The following FAM149B1 variants were observed in gnomAD, a reference collection of about 807,000 sequenced individuals.
FAM149B1 encodes primary cilium assembly protein FAM149B1.
Under a neutral mutation model 75.3 loss-of-function variants are expected in FAM149B1, and 56 were observed. The ratio of observed to expected loss-of-function variants is 0.74; its 90% CI spans 0.60 to 0.93. The LOEUF (loss-of-function observed/expected upper bound fraction) is 0.93. FAM149B1 is among the 40% of genes least tolerant of loss of function. The probability of loss-of-function intolerance (pLI) is 0.00; values close to 1 mark genes in which losing one functional copy is unlikely to be tolerated. For missense variants in FAM149B1, 639 were observed against 708.4 expected (o/e 0.90, Z 1.11); for synonymous variants, 259 against 256.1 (o/e 1.01, Z -0.11).
chr10:73,183,449 AG>A (rs1043554723), intron 3 of FAM149B1: 2 of 152,222 alleles, frequency 1.3e-5, no homozygotes, highest in Non-Finnish European at 2.9e-5. Flanking sequence ...AGAAAGCTCT[AG>A]GCCCAGGTGA....
Position 73,221,816 on chromosome 10 carries a change from A to T in FAM149B1, c.899-6244A>T, listed in dbSNP as rs1016477624. 1.9e-4 allele frequency among the ~76,000 whole-genome samples: 29 copies of T among 151,850 alleles called. No homozygotes were observed. In the South Asian group the frequency reaches 2.1e-3, roughly 11 times the overall value. On this transcript the variant is annotated intron_variant, in intron 7 of 13. Transcript: ENST00000242505. The stretch of plus-strand genomic sequence containing the variant: ...CTCAGGTAACTCATGCTTTAAAAAA[A>T]TTTTTTTTGTATTCTTTTTTTTCTG...
At chr10:73,240,211 AG>A (rs1290569015) in intron 13 of FAM149B1, among the ~76,000 whole-genome samples, 1 of 152,230 alleles carries the variant, frequency 6.6e-6, no homozygotes, top group Admixed American at 6.5e-5. Flanking sequence ...AGGTAAATTT[AG>A]AAGTAATGGA....
At chr10:73,209,693 T>C (rs1194444319) in intron 6 of FAM149B1, among the ~76,000 whole-genome samples, 2 of 152,242 alleles carry the variant, frequency 1.3e-5, no homozygotes, top group African/African-American at 4.8e-5. Context: ...CTCAATCCAG[T>C]CTTCTCTTCA....
intron 3 of FAM149B1, among the ~76,000 whole-genome samples, chr10:73,188,615 T>C (rs1035553009): frequency 1.3e-5 from 2 of 151,652 alleles, no homozygotes; most frequent in African/African-American, 4.8e-5. Flanking sequence ...CCAGCTACTC[T>C]GGAGGCTGAG....
At chr10:73,217,189 T>C (rs1262184019) in intron 7 of FAM149B1, among the ~76,000 whole-genome samples, 1 of 152,254 alleles carries the variant, frequency 6.6e-6, no homozygotes, top group African/African-American at 2.4e-5. Flanking sequence ...ACAATTTGTT[T>C]ATCTGTTGAT....
At chr10:73,198,415 A>G (rs2042856262) in intron 5 of FAM149B1, among the ~76,000 whole-genome samples, 1 of 152,248 alleles carries the variant, frequency 6.6e-6, no homozygotes, top group Non-Finnish European at 1.5e-5. Flanking sequence ...TGAAAAGGCA[A>G]TATGTGGAAT....
intron 3 of FAM149B1, chr10:73,192,354 T>C (rs2042704737): frequency 3.7e-6 from 2 of 545,032 alleles, no homozygotes; most frequent in African/African-American, 3.9e-5. Context: ...CTAAATTTTC[T>C]TTAAATATGA....
chr10:73,195,929 T>C (rs2042794369), intron 5 of FAM149B1, among the ~76,000 whole-genome samples: 1 of 152,198 alleles, frequency 6.6e-6, no homozygotes, highest in Admixed American at 6.5e-5. Context: ...ACAAAATCTA[T>C]GATATTTACT....
intron 3 of FAM149B1, among the ~76,000 whole-genome samples, chr10:73,180,586 T>A (rs2042373803): frequency 6.6e-6 from 1 of 152,242 alleles, no homozygotes; most frequent in Admixed American, 6.5e-5. Flanking sequence ...TTTTGGCATT[T>A]ATAGTCTAAC....
At chr10:73,205,949 A>C (rs2043044456) in intron 5 of FAM149B1, among the ~76,000 whole-genome samples, 2 of 152,216 alleles carry the variant, frequency 1.3e-5, no homozygotes, top group African/African-American at 2.4e-5. Flanking sequence ...TGTGGAAGTG[A>C]CTTTGAAACT....
intron 6 of FAM149B1, among the ~76,000 whole-genome samples, 162 bp downstream of exon 6, chr10:73,208,948 C>T (rs563376409): frequency 6.6e-6 from 1 of 152,216 alleles, no homozygotes; most frequent in Admixed American, 6.5e-5. Context: ...GTTCTTATTG[C>T]CTCCATGTAC....
intron 13 of FAM149B1, among the ~76,000 whole-genome samples, 180 bp from the exon 14 acceptor site, chr10:73,240,766 G>A (rs1042891914): frequency 2.0e-5 from 3 of 151,596 alleles, no homozygotes; most frequent in African/African-American, 7.3e-5. Flanking sequence ...AAGTGGAAGT[G>A]AGTAAATCAG....
chr10:73,206,482 T>C (rs891793910), intron 5 of FAM149B1, among the ~76,000 whole-genome samples: 5 of 152,208 alleles, frequency 3.3e-5, no homozygotes, highest in African/African-American at 9.6e-5. Flanking sequence ...GATATTTGCA[T>C]AACTAAAAAG....
Position 73,238,191 on chromosome 10 carries a change from A to G in FAM149B1, c.1603-1121A>G, listed in dbSNP as rs541281279. Reference sequence around the variant, plus strand: ...TGAAACCCGTTTCTATTAAAAATACAAGAAAATTAGCCAGGCATGGTGGTG... The same window carrying G: ...TGAAACCCGTTTCTATTAAAAATACGAGAAAATTAGCCAGGCATGGTGGTG... On this transcript the variant is annotated intron_variant, in intron 12 of 13. Transcript: ENST00000242505. Among the ~76,000 whole-genome samples, 10 of 152,224 alleles carry G rather than the reference A, an allele frequency of 6.6e-5. No individual in the cohort carries two copies. The East Asian group carries it at 1.9e-3, about 30-fold the overall frequency.
At chr10:73,192,032 T>G (rs2042695620) in intron 3 of FAM149B1, among the ~76,000 whole-genome samples, 1 of 151,930 alleles carries the variant, frequency 6.6e-6, no homozygotes, top group Non-Finnish European at 1.5e-5. Context: ...CCCAAGTAGC[T>G]AGGATTACTG....
chr10:73,182,211 C>CTTTTTT lies in FAM149B1; in HGVS notation c.282+4252_282+4257dup, dbSNP rs1193905747. ...TTTCATCCATTCACCCAGTCTGTGT[C>CTTTTTT]TTTTTTTTTTTTTTTTTTTTTAAAT... On this transcript the variant is annotated intron_variant, in intron 3 of 13. Transcript: ENST00000242505. Among the ~76,000 whole-genome samples the CTTTTTT allele has an allele frequency of 1.5e-4, 16 of 109,388 alleles. No homozygotes were observed. In the South Asian group the frequency reaches 4.2e-3, roughly 29 times the overall value. The allele number at this position is 109,388 out of a possible 152,430, so 71.8% of individuals were successfully genotyped here. A position where few individuals can be genotyped will look rare whatever the true frequency, so the allele number is the denominator to read the frequency against.
chr10:73,213,603 G>C (rs1343133996), intron 7 of FAM149B1, among the ~76,000 whole-genome samples: 2 of 152,044 alleles, frequency 1.3e-5, no homozygotes, highest in African/African-American at 4.8e-5. Context: ...CCTTTCCCCA[G>C]TGTATATTTT....
At chr10:73,185,882 G>A (rs1367868807) in intron 3 of FAM149B1, among the ~76,000 whole-genome samples, 1 of 152,102 alleles carries the variant, frequency 6.6e-6, no homozygotes, top group Non-Finnish European at 1.5e-5. Flanking sequence ...AATATTTAAA[G>A]AAGAAATAAT....
At chr10:73,178,119 T>A in intron 3 of FAM149B1, 144 bp downstream of exon 3, 1 of 873,352 alleles carries the variant, frequency 1.1e-6, no homozygotes, top group Non-Finnish European at 1.7e-6. Context: ...GAAGTATCAG[T>A]CCTCATCTTC....
Sources: gnomAD v4.1 joint callset for allele counts (sites outside exome capture counted in the v4.1 genomes callset) on GRCh38, gnomAD v4.1.1 for gene constraint, MANE v1.5 for transcripts, NCBI Gene and HGNC (gene_info 2026-07-23, HGNC 2026-07-21) for gene names.